Variants in ONECUT2 observed in about 807,000 individuals in gnomAD.
ONECUT2 encodes one cut homeobox 2, also known as one cut domain family member 2.
In ONECUT2, 10 loss-of-function variants were observed where a neutral mutation model predicts 27.9. The ratio of observed to expected loss-of-function variants is 0.36; its 90% CI spans 0.22 to 0.61. The LOEUF (loss-of-function observed/expected upper bound fraction) is 0.61. Among genes scored for constraint, ONECUT2 ranks in the 20% least tolerant of loss-of-function variants. The probability of loss-of-function intolerance (pLI) is 0.73; values close to 1 mark genes in which losing one functional copy is unlikely to be tolerated. For missense variants in ONECUT2, 686 were observed against 721.0 expected (o/e 0.95, Z 0.56); for synonymous variants, 334 against 315.1 (o/e 1.06, Z -0.64).
chr18:57,449,453 A>AAGC (rs1460622583), intron 1 of ONECUT2, among the ~76,000 whole-genome samples: 2 of 152,246 alleles, frequency 1.3e-5, no homozygotes, highest in Admixed American at 1.3e-4. Context: ...AGCATTTCAC[A>AAGC]ATGTCAAGTT....
chr18:57,464,476 G>GT (rs1470565459), intron 1 of ONECUT2, among the ~76,000 whole-genome samples: 7 of 150,340 alleles, frequency 4.7e-5, no homozygotes, highest in Non-Finnish European at 8.9e-5. Flanking sequence ...TTTTGTTTTT[G>GT]TTTTTTTATA....
At chr18:57,465,680 A>G (rs1454108662) in intron 1 of ONECUT2, among the ~76,000 whole-genome samples, 1 of 151,930 alleles carries the variant, frequency 6.6e-6, no homozygotes, top group African/African-American at 2.4e-5. Flanking sequence ...GTCTTCTACT[A>G]TTTTTTCAAT....
Position 57,480,992 on chromosome 18 carries a change from G to A in ONECUT2, c.*4269G>A, listed in dbSNP as rs1430884077. The A allele has an allele frequency of 6.6e-6, 1 of 152,094 alleles. No homozygotes were observed. Among genetic ancestry groups the A allele is most frequent in the Non-Finnish European group, 1.5e-5 (1 of 68,014 alleles). 9.4% of individuals were successfully genotyped at this position (152,094 alleles called of 1,614,324 possible). On this transcript the variant is annotated 3_prime_UTR_variant, in exon 2 of 2. Transcript: ENST00000491143. ...TCTCAGCCAAATTTCACATTCTTGA[G>A]GCAACAGAAATCAAAACACTCAGAG...
At chr18:57,463,127 AG>A (rs2050302329) in intron 1 of ONECUT2, among the ~76,000 whole-genome samples, 1 of 152,216 alleles carries the variant, frequency 6.6e-6, no homozygotes, top group South Asian at 2.1e-4. Context: ...GACATGAGGT[AG>A]GGGTCAAGAA....
rs2050414706 is a variant in ONECUT2, at chr18:57,481,269, G to A, written c.*4546G>A. ...GCTTGCACCATGCATAAAGGTGCAGGCTAGTTGAACCAGGAAGCATGGCAC... is the reference window on the plus strand; with the variant it reads ...GCTTGCACCATGCATAAAGGTGCAGACTAGTTGAACCAGGAAGCATGGCAC... On this transcript the variant is annotated 3_prime_UTR_variant, in exon 2 of 2. Transcript: ENST00000491143. 3 of 152,148 alleles carry A rather than the reference G, an allele frequency of 2.0e-5. No homozygotes were observed. Among genetic ancestry groups the A allele is most frequent in the African/African-American group, 7.2e-5 (3 of 41,418 alleles). 9.4% of individuals were successfully genotyped at this position (152,148 alleles called of 1,614,324 possible). A position where few individuals can be genotyped will look rare whatever the true frequency, so the allele number is the denominator to read the frequency against.
At chr18:57,463,002 G>C (rs1232607062) in intron 1 of ONECUT2, among the ~76,000 whole-genome samples, 1 of 152,012 alleles carries the variant, frequency 6.6e-6, no homozygotes. Flanking sequence ...AAAGTACTGG[G>C]ATTACAGGCA....
At chr18:57,442,205 G>A (rs1378497532) in intron 1 of ONECUT2, among the ~76,000 whole-genome samples, 1 of 151,780 alleles carries the variant, frequency 6.6e-6, no homozygotes, top group Non-Finnish European at 1.5e-5. Flanking sequence ...AAAAGATCAG[G>A]GACCTAAGTG....
rs1427190331 is a variant in ONECUT2, at chr18:57,484,333, G to A, written c.*7610G>A. On this transcript the variant is annotated 3_prime_UTR_variant, in exon 2 of 2. Transcript: ENST00000491143. ...AGATACCAAAGATTTCTTTCTCTGT[G>A]CGGTCTGCATTTTGCTTGTGCTCTT... 1 of 152,462 alleles carries A rather than the reference G, an allele frequency of 6.6e-6. No homozygotes were observed. Among genetic ancestry groups the A allele is most frequent in the Non-Finnish European group, 1.5e-5 (1 of 68,014 alleles). The allele number at this position is 152,462 out of a possible 1,614,324, so 9.4% of individuals were successfully genotyped here. A position where few individuals can be genotyped will look rare whatever the true frequency, so the allele number is the denominator to read the frequency against.
In ONECUT2 at chr18:57,446,994, A is replaced by G. The variant is rs866203528; in HGVS notation, c.1228+10050A>G. ...TATTGTACAAAGGAGAGAGGATGGG[A>G]GAGAATTAGCATCTACAGGGAGGAC... On this transcript the variant is annotated intron_variant, in intron 1 of 1. Transcript: ENST00000491143. Among the ~76,000 whole-genome samples, 3 of 152,330 alleles carry G rather than the reference A, an allele frequency of 2.0e-5. 1 individual carries two copies. In the Middle Eastern group the frequency reaches 0.01, roughly 518 times the overall value.
At chr18:57,450,252 C>T (rs931912905) in intron 1 of ONECUT2, among the ~76,000 whole-genome samples, 12 of 152,172 alleles carry the variant, frequency 7.9e-5, no homozygotes, top group African/African-American at 2.9e-4. Flanking sequence ...CGGCTAACTG[C>T]AACATCCGTC....
Position 57,444,692 on chromosome 18 carries a change from G to T in ONECUT2, c.1228+7748G>T, listed in dbSNP as rs202020814. On this transcript the variant is annotated intron_variant, in intron 1 of 1. Transcript: ENST00000491143. ...AAAAGAGAAGCCCTTATCCTTTTAT[G>T]CAGGGCCAGGGAAACCTTTCATATT... Among the ~76,000 whole-genome samples, 4 of 152,380 alleles carry T rather than the reference G, an allele frequency of 2.6e-5. No homozygotes were observed. In the East Asian group the frequency reaches 7.7e-4, roughly 29 times the overall value.
In ONECUT2 at chr18:57,476,670, G is replaced by A. The variant is rs954601926; in HGVS notation, c.1462G>A (p.Asp488Asn). 2.5e-6 allele frequency: 4 copies of A among 1,614,148 alleles called. No homozygotes were observed. Among genetic ancestry groups the A allele is most frequent in the Non-Finnish European group, 3.4e-6 (4 of 1,180,030 alleles). ...CCGCAGCCTGGAGAAGTGGCAAGAC[G>A]ATCTGAGCACAGGGGGCTCCTCGTC... Reference protein sequence around the residue: ...RRRSLEKWQDDLSTGGSSSTS... With the variant: ...RRRSLEKWQDNLSTGGSSSTS... Residue 488 changes from aspartate (D) to asparagine (N), a missense_variant, in exon 2 of 2, where the codon GAT (aspartate) becomes AAT (asparagine). By Grantham distance (23) the Asp-to-Asn change is conservative. Coordinates refer to ENST00000491143, the MANE Select transcript of ONECUT2 (RefSeq NM_004852.3).
chr18:57,470,323 T>C (rs1302254157), intron 1 of ONECUT2, among the ~76,000 whole-genome samples: 1 of 152,162 alleles, frequency 6.6e-6, no homozygotes, highest in Non-Finnish European at 1.5e-5. Flanking sequence ...TTCACAGGCT[T>C]CCCAGAAACT....
Position 57,436,093 on chromosome 18 carries a change from C to A in ONECUT2, c.377C>A (p.Pro126Gln), listed in dbSNP as rs751609432. 4 of 1,599,714 alleles carry A rather than the reference C, an allele frequency of 2.5e-6. No individual in the cohort carries two copies. The highest frequency in any genetic ancestry group is 3.4e-6 in the Non-Finnish European group (4 of 1,179,704). Residue 126 changes from proline to glutamine, a missense_variant, in exon 1 of 2, where the codon CCG becomes CAG. Pro to Gln is a moderately conservative substitution (Grantham distance 76). Coordinates refer to ENST00000491143, the MANE Select transcript of ONECUT2 (RefSeq NM_004852.3). The surrounding 1 kb of genome is among the most constrained non-coding windows in gnomAD (Gnocchi z 5.9). The stretch of plus-strand genomic sequence containing the variant: ...GACTACCGGCCCGAGCTCTCCATCC[C>A]GCTGCACCACGCCATGAGCATGTCC... ...GGDYRPELSI[P>Q]LHHAMSMSCD...
Position 57,436,916 on chromosome 18 carries a change from C to T in ONECUT2, c.1200C>T (p.Phe400=), listed in dbSNP as rs759699369. The stretch of plus-strand genomic sequence containing the variant: ...GGAAGTGGCTTCAGGAGCCCGAGTT[C>T]CAGCGCATGTCCGCCTTACGCCTGG... ...RMWKWLQEPE[F]QRMSALRLAA... The change falls in exon 1 of 2, where the codon TTC becomes TTT. Residue 400 remains phenylalanine (F), a synonymous_variant. Transcript: ENST00000491143. The surrounding 1 kb of genome is among the most constrained non-coding windows in gnomAD (Gnocchi z 5.9). 6.2e-7 allele frequency: 1 copy of T among 1,609,886 alleles called. No homozygotes were observed.
At chr18:57,458,304 G>A (rs2122125686) in intron 1 of ONECUT2, among the ~76,000 whole-genome samples, 1 of 152,284 alleles carries the variant, frequency 6.6e-6, no homozygotes, top group South Asian at 2.1e-4. Flanking sequence ...TTACTTCCCA[G>A]CAGTAACCAC....
chr18:57,436,350 A>T lies in ONECUT2; in HGVS notation c.634A>T (p.Ser212Cys), dbSNP rs371199275. The T allele has an allele frequency of 6.2e-7, 1 of 1,606,194 alleles. No individual in the cohort carries two copies. The highest frequency in any genetic ancestry group is 8.5e-7 in the Non-Finnish European group (1 of 1,179,826). The stretch of plus-strand genomic sequence containing the variant: ...GCTCCCGGCCATGAACAACCTCTAC[A>T]GTCCCTACAAGGAGATGCCCGGCAT... ...RGLPAMNNLY[S>C]PYKEMPGMSQ... Residue 212 changes from serine (S) to cysteine (C), a missense_variant, in exon 1 of 2, where the codon AGT (serine) becomes TGT (cysteine). Transcript: ENST00000491143. The surrounding 1 kb of genome is among the most constrained non-coding windows in gnomAD (Gnocchi z 5.9).
chr18:57,459,478 T>C (rs1007858607), intron 1 of ONECUT2, among the ~76,000 whole-genome samples: 3 of 152,238 alleles, frequency 2.0e-5, no homozygotes, highest in Non-Finnish European at 4.4e-5. Flanking sequence ...TATAATATAT[T>C]GAAAACATTT....
rs2050411647 is a variant in ONECUT2, at chr18:57,480,753, AT to A, written c.*4033del. 6.6e-6 allele frequency: 1 copy of A among 152,206 alleles called. No individual in the cohort carries two copies. Among genetic ancestry groups the A allele is most frequent in the Non-Finnish European group, 1.5e-5 (1 of 68,044 alleles). The allele number at this position is 152,206 out of a possible 1,614,324, so 9.4% of individuals were successfully genotyped here. ...AAATTTTAAGCCCTGCAGAATTTCA[AT>A]TTGTTAGAAATCTAACAGAAAAAAA... On this transcript the variant is annotated 3_prime_UTR_variant, in exon 2 of 2. Coordinates refer to ENST00000491143, the MANE Select transcript of ONECUT2 (RefSeq NM_004852.3).
Sources: allele counts gnomAD v4.1 joint callset (sites outside exome capture counted in the v4.1 genomes callset), GRCh38; gene constraint gnomAD v4.1.1; non-coding constraint Gnocchi (gnomAD v3.1); transcripts MANE v1.5; gene names NCBI Gene and HGNC (gene_info 2026-07-23, HGNC 2026-07-21).